The following PBX4 variants were observed in gnomAD, a reference collection of about 807,000 sequenced individuals.
PBX4 encodes PBX homeobox 4, also known as pre-B-cell leukemia transcription factor 4.
Under a neutral mutation model 35.1 loss-of-function variants are expected in PBX4, and 26 were observed. That is an observed-to-expected ratio of 0.74 (90% CI 0.54 to 1.03). The LOEUF (loss-of-function observed/expected upper bound fraction) is 1.03. Ranked by LOEUF, PBX4 falls within the 50% of genes least tolerant of loss-of-function variation. The pLI is 0.00. For synonymous variants in PBX4, 199 were observed against 204.2 expected (o/e 0.97, Z 0.22); for missense variants, 448 against 504.3 (o/e 0.89, Z 1.07).
intron 5 of PBX4, among the ~76,000 whole-genome samples, chr19:19,566,232 G>T (rs2061340995): frequency 6.6e-6 from 1 of 152,206 alleles, no homozygotes; most frequent in African/African-American, 2.4e-5. Context: ...TGGTGGCACT[G>T]CTGATGCTTG....
Position 19,569,604 on chromosome 19 carries a change from C to A in PBX4, c.633-20G>T. The stretch of plus-strand genomic sequence containing the variant: ...TTGCGCCTGCAAAAACAGCCGCCTT[C>A]GTAGGCATTAATATGCTGGGACTCC... On this transcript the variant is annotated intron_variant, in intron 4 of 7. Coordinates refer to ENST00000251203, the MANE Select transcript of PBX4 (RefSeq NM_025245.3). 1 of 1,611,616 alleles carries A rather than the reference C, an allele frequency of 6.2e-7. No homozygotes were observed. The highest frequency in any genetic ancestry group is 1.1e-5 in the South Asian group (1 of 90,810).
intron 1 of PBX4, among the ~76,000 whole-genome samples, chr19:19,611,366 G>T (rs969036185): frequency 6.6e-6 from 1 of 152,044 alleles, no homozygotes. Flanking sequence ...ACTAGTTGAG[G>T]TCATAATAGT....
chr19:19,587,175 T>C (rs1044938115), intron 2 of PBX4, among the ~76,000 whole-genome samples: 2 of 151,874 alleles, frequency 1.3e-5, no homozygotes, highest in Admixed American at 6.6e-5. Context: ...CAGCTAATTT[T>C]TGTTTTTTTG....
intron 2 of PBX4, among the ~76,000 whole-genome samples, chr19:19,574,635 T>A (rs947843413): frequency 2.6e-5 from 4 of 151,516 alleles, no homozygotes; most frequent in African/African-American, 9.7e-5. Context: ...TTCCTTTTTT[T>A]TTCCTTTTTT....
intron 1 of PBX4, among the ~76,000 whole-genome samples, chr19:19,616,016 G>A (rs2061687158): frequency 6.6e-6 from 1 of 152,068 alleles, no homozygotes; most frequent in Non-Finnish European, 1.5e-5. Context: ...GCTCTAGTGG[G>A]TACACAGTCC....
intron 1 of PBX4, among the ~76,000 whole-genome samples, chr19:19,605,373 G>A (rs186640176): frequency 2.2e-4 from 33 of 149,338 alleles, no homozygotes; most frequent in African/African-American, 3.4e-4. Context: ...CTGAGATTGC[G>A]CCACAGCACT....
chr19:19,586,464 A>G (rs1426535932), intron 2 of PBX4, among the ~76,000 whole-genome samples: 1 of 152,112 alleles, frequency 6.6e-6, no homozygotes, highest in Admixed American at 6.6e-5. Context: ...CTGAGTAAAA[A>G]TGATATGCGG....
At chr19:19,599,405 A>G (rs1338422501) in intron 1 of PBX4, 40 bp from the exon 2 acceptor site, 1 of 1,535,222 alleles carries the variant, frequency 6.5e-7, no homozygotes, top group African/African-American at 1.4e-5. Flanking sequence ...AGAAAAGAAT[A>G]GTCATCATCT....
At position 19,562,608 on chromosome 19, in the gene PBX4, C is replaced by T. The variant is rs941070907; in HGVS notation, c.1033-491G>A. On this transcript the variant is annotated intron_variant, in intron 7 of 7. Transcript: ENST00000251203. This position sits in a 1 kb window ranked among gnomAD's most constrained non-coding sequence, Gnocchi z 4.8. The stretch of plus-strand genomic sequence containing the variant: ...TGTCTGCAGTGCAGAGACGGCATCA[C>T]GTCCAACGGCGCTAAGACGTTTGTC... Among the ~76,000 whole-genome samples, 4 of 152,278 alleles carry T rather than the reference C, an allele frequency of 2.6e-5. No individual in the cohort carries two copies. Among genetic ancestry groups the T allele is most frequent in the East Asian group, 1.9e-4 (1 of 5,180 alleles).
intron 1 of PBX4, among the ~76,000 whole-genome samples, chr19:19,611,678 CAA>C (rs1344348105): frequency 3.2e-4 from 17 of 53,622 alleles, no homozygotes; most frequent in Non-Finnish European, 2.7e-4. Context: ...GATTCTGTCT[CAA>C]AAAAAAAAAA....
intron 6 of PBX4, among the ~76,000 whole-genome samples, chr19:19,564,099 G>A (rs1035813409): frequency 5.3e-5 from 8 of 149,592 alleles, no homozygotes; most frequent in Non-Finnish European, 8.9e-5. Context: ...CCACTAACTC[G>A]TCATCTAGCA....
At chr19:19,581,866 G>A (rs2061456524) in intron 2 of PBX4, among the ~76,000 whole-genome samples, 1 of 152,192 alleles carries the variant, frequency 6.6e-6, no homozygotes, top group South Asian at 2.1e-4. Flanking sequence ...GACAGTGTGA[G>A]AATAGGTGGG....
intron 2 of PBX4, among the ~76,000 whole-genome samples, chr19:19,575,366 G>A (rs934753736): frequency 6.6e-6 from 1 of 152,042 alleles, no homozygotes; most frequent in African/African-American, 2.4e-5. Flanking sequence ...TTACAGATCT[G>A]GGTGACAGTC....
chr19:19,595,481 A>G (rs1283148353), intron 2 of PBX4, among the ~76,000 whole-genome samples: 1 of 152,196 alleles, frequency 6.6e-6, no homozygotes, highest in East Asian at 1.9e-4. Flanking sequence ...TTCACCGCTA[A>G]CAAGAAACTT....
Position 19,618,522 on chromosome 19 carries a change from C to A in PBX4, c.108G>T (p.Glu36Asp). ...CCCGCGGGCAGCACCTGGCCTGTGC[C>A]TCGTCCAGGCTCTGGTCGGTGATGG... Reference protein sequence around the residue: ...IMAITDQSLDEAQARKHALNC... With the variant: ...IMAITDQSLDDAQARKHALNC... The change falls in exon 1 of 8, where the codon GAG becomes GAT. Residue 36 changes from glutamate to aspartate, a missense_variant. Coordinates refer to ENST00000251203, the MANE Select transcript of PBX4 (RefSeq NM_025245.3). 6.8e-7 allele frequency: 1 copy of A among 1,479,274 alleles called. No homozygotes were observed. The highest frequency in any genetic ancestry group is 1.3e-5 in the South Asian group (1 of 74,976). 91.6% of individuals were successfully genotyped at this position (1,479,274 alleles called of 1,614,324 possible). A position where few individuals can be genotyped will look rare whatever the true frequency, so the allele number is the denominator to read the frequency against.
rs1259885773 is a variant in PBX4 at position 19,570,840 on chromosome 19, A to G, written c.194-7T>C. 1 of 1,612,662 alleles carries G rather than the reference A, an allele frequency of 6.2e-7. No homozygotes were observed. The highest frequency in any genetic ancestry group is 1.3e-5 in the African/African-American group (1 of 74,880). ...ATGCCACGGATGCTTACCACTAGATAAGAGAGACCGGGACAAGTCACAATT... is the reference window on the plus strand; with the variant it reads ...ATGCCACGGATGCTTACCACTAGATGAGAGAGACCGGGACAAGTCACAATT... On this transcript the variant is annotated splice_region_variant and splice_polypyrimidine_tract_variant and intron_variant, in intron 2 of 7. Coordinates refer to ENST00000251203, the MANE Select transcript of PBX4 (RefSeq NM_025245.3).
At chr19:19,598,611 A>C (rs938319285) in intron 2 of PBX4, among the ~76,000 whole-genome samples, 1 of 152,084 alleles carries the variant, frequency 6.6e-6, no homozygotes, top group African/African-American at 2.4e-5. Context: ...AACTGTTCTT[A>C]TTCAATTTCC....
intron 2 of PBX4, among the ~76,000 whole-genome samples, chr19:19,587,835 A>T (rs1243073909): frequency 6.6e-6 from 1 of 151,866 alleles, no homozygotes; most frequent in Admixed American, 6.6e-5. Flanking sequence ...CTCGAATTCA[A>T]GAAAAAACAT....
At position 19,572,711 on chromosome 19, in the gene PBX4, G is replaced by A. The variant is rs368444525; in HGVS notation, c.194-1878C>T. ...GAAACGCCATCTCTACTAATTAGCCGGGCATGGTGTCGAGTGTCTGTAATT... is the reference window on the plus strand; with the variant it reads ...GAAACGCCATCTCTACTAATTAGCCAGGCATGGTGTCGAGTGTCTGTAATT... On this transcript the variant is annotated intron_variant, in intron 2 of 7. Coordinates refer to ENST00000251203, the MANE Select transcript of PBX4 (RefSeq NM_025245.3). Among the ~76,000 whole-genome samples the A allele has an allele frequency of 3.1e-3, 464 of 148,918 alleles. 4 individuals are homozygous for A. Among genetic ancestry groups the A allele is most frequent in the African/African-American group, 0.011 (429 of 40,650 alleles).
Sources: allele counts gnomAD v4.1 joint callset (sites outside exome capture counted in the v4.1 genomes callset), GRCh38; gene constraint gnomAD v4.1.1; non-coding constraint Gnocchi (gnomAD v3.1); transcripts MANE v1.5; gene names NCBI Gene and HGNC (gene_info 2026-07-23, HGNC 2026-07-21).